Variants in PIK3C2A observed in about 807,000 individuals in gnomAD.
PIK3C2A encodes phosphatidylinositol 4-phosphate 3-kinase C2 domain-containing subunit alpha.
PIK3C2A carries 97 observed loss-of-function variants against 204.5 expected under a neutral mutation model. That is an observed-to-expected ratio of 0.47 (90% CI 0.40 to 0.56). PIK3C2A has a LOEUF of 0.56. Ranked by LOEUF, PIK3C2A falls within the 20% of genes least tolerant of loss-of-function variation. The pLI, the probability that PIK3C2A is intolerant of heterozygous loss-of-function variation, is 0.00. For missense variants in PIK3C2A, 1,735 were observed against 1,969.2 expected, an observed-to-expected ratio of 0.88 and a Z score of 2.25; for synonymous variants, 653 against 664.4, an observed-to-expected ratio of 0.98 and a Z score of 0.26.
At chr11:17,140,352 C>G (rs1194585472) in intron 8 of PIK3C2A, among the ~76,000 whole-genome samples, 1 of 152,130 alleles carries the variant, frequency 6.6e-6, no homozygotes, top group African/African-American at 2.4e-5. Flanking sequence ...TCCATGGGCT[C>G]ATACATAAAT....
chr11:17,097,235 G>T lies in PIK3C2A; in HGVS notation c.4148C>A (p.Ala1383Asp). 1 of 1,613,218 alleles carries T rather than the reference G, an allele frequency of 6.2e-7. No homozygotes were observed. Among genetic ancestry groups the T allele is most frequent in the South Asian group, 1.1e-5 (1 of 91,004 alleles). The change falls in exon 27 of 33, where the codon GCC (alanine) becomes GAC (aspartate). Residue 1383 changes from alanine to aspartate, a missense_variant. Ala to Asp is a moderately radical substitution (Grantham distance 126). This residue lies in a region of PIK3C2A where 503 missense variants were observed against 669.0 expected (regional missense o/e 0.75). Coordinates refer to ENST00000691414, the MANE Select transcript of PIK3C2A (RefSeq NM_002645.4). ...GTGAATGAAGAAGTTAAACTTTGTG[G>T]CAATGCTTCCCAAACTTGATTCAAT... Reference protein sequence around the residue: ...RLIESSLGSIATKFNFFIHNL... With the variant: ...RLIESSLGSIDTKFNFFIHNL...
At chr11:17,135,917 A>G (rs1457860098) in intron 9 of PIK3C2A, among the ~76,000 whole-genome samples, 1 of 152,018 alleles carries the variant, frequency 6.6e-6, no homozygotes, top group Non-Finnish European at 1.5e-5. Context: ...TATCCTTGCA[A>G]TTAAAGATAT....
chr11:17,112,691 T>C (rs757707938), intron 20 of PIK3C2A, 25 bp from the exon 21 acceptor site: 20 of 1,223,502 alleles, frequency 1.6e-5, no homozygotes, highest in Non-Finnish European at 2.3e-5. Context: ...TGTTAAGCAT[T>C]AGAAAGATAA....
intron 8 of PIK3C2A, among the ~76,000 whole-genome samples, chr11:17,142,720 C>A (rs918664641): frequency 6.6e-6 from 1 of 152,014 alleles, no homozygotes; most frequent in African/African-American, 2.4e-5. Flanking sequence ...ACCCTGTCAT[C>A]CATCCATCCA....
In PIK3C2A at chr11:17,205,366, C is replaced by T. The variant is rs562734475; in HGVS notation, c.-66+2482G>A. On this transcript the variant is annotated intron_variant, in intron 1 of 32. Transcript: ENST00000691414. Reference sequence around the variant, plus strand: ...GCACACGCCTGTAGTCCCAGCTCCTCGGGAGGCTGAGGCAGGAGAGTCACT... The same window carrying T: ...GCACACGCCTGTAGTCCCAGCTCCTTGGGAGGCTGAGGCAGGAGAGTCACT... Among the ~76,000 whole-genome samples the T allele has an allele frequency of 6.4e-4, 93 of 144,508 alleles. 1 individual carries two copies. In the South Asian group the frequency reaches 0.018, roughly 27 times the overall value. 94.8% of individuals were successfully genotyped at this position (144,508 alleles called of 152,430 possible). A position where few individuals can be genotyped will look rare whatever the true frequency, so the allele number is the denominator to read the frequency against.
Position 17,097,096 on chromosome 11 carries a change from A to C in PIK3C2A, c.4287T>G (p.Val1429=), listed in dbSNP as rs1339698510. ...GGTTGTATTTCTTATGATATGTAAA[A>C]ACAGAGACTTCCTTGATTCGACCAT... is the stretch of plus-strand genomic sequence containing the variant. The part of the protein sequence containing the change: ...RQDGRIKEVS[V]FTYHKKYNPD... Residue 1429 remains valine (V), a synonymous_variant, in exon 27 of 33, where the codon GTT becomes GTG. Coordinates refer to ENST00000691414, the MANE Select transcript of PIK3C2A (RefSeq NM_002645.4). 2.5e-6 allele frequency: 4 copies of C among 1,605,502 alleles called. No homozygotes were observed. Among genetic ancestry groups the C allele is most frequent in the Non-Finnish European group, 3.4e-6 (4 of 1,172,224 alleles).
At chr11:17,092,382 T>C in intron 28 of PIK3C2A, 106 bp from the exon 29 acceptor site, 1 of 682,170 alleles carries the variant, frequency 1.5e-6, no homozygotes, top group South Asian at 1.8e-5. Flanking sequence ...TAATCCATTA[T>C]AAAGTAATAT....
intron 1 of PIK3C2A, among the ~76,000 whole-genome samples, chr11:17,192,309 C>T (rs1851974052): frequency 6.6e-6 from 1 of 152,108 alleles, no homozygotes; most frequent in Non-Finnish European, 1.5e-5. Flanking sequence ...TAAATCAGAA[C>T]AGGAGACTTA....
rs374584100 is a variant in PIK3C2A, at chr11:17,200,995, CAGG to C, written c.-66+6850_-66+6852del. On this transcript the variant is annotated intron_variant, in intron 1 of 32. Transcript: ENST00000691414. ...CAGATGTGGGCGGATCACTTCAGGT[CAGG>C]AGTTCAAGACCAGCCTGGCCAACAT... Among the ~76,000 whole-genome samples the C allele has an allele frequency of 5.5e-3, 827 of 151,734 alleles. 17 individuals carry two copies. Among genetic ancestry groups the C allele is most frequent in the East Asian group, 0.017 (88 of 5,118 alleles).
chr11:17,123,614 T>C (rs949979711), intron 13 of PIK3C2A, among the ~76,000 whole-genome samples: 27 of 152,040 alleles, frequency 1.8e-4, no homozygotes, highest in African/African-American at 6.5e-4. Flanking sequence ...ACTTTTTCTA[T>C]AAAGAGCCAG....
intron 1 of PIK3C2A, among the ~76,000 whole-genome samples, chr11:17,184,734 G>C (rs1224626064): frequency 6.6e-6 from 1 of 152,064 alleles, no homozygotes; most frequent in East Asian, 1.9e-4. Flanking sequence ...AGGAGCTTGA[G>C]ACCAGCCTGG....
chr11:17,182,836 TA>T (rs1163611110), intron 1 of PIK3C2A, among the ~76,000 whole-genome samples: 7 of 152,146 alleles, frequency 4.6e-5, no homozygotes, highest in Non-Finnish European at 1.0e-4. Context: ...ACTGCATTTT[TA>T]TTTATTTATT....
chr11:17,142,362 G>A (rs1168831163), intron 8 of PIK3C2A, among the ~76,000 whole-genome samples: 2 of 152,162 alleles, frequency 1.3e-5, no homozygotes, highest in African/African-American at 4.8e-5. Context: ...ATATGCTAAT[G>A]TTTGGTAGTC....
intron 13 of PIK3C2A, among the ~76,000 whole-genome samples, chr11:17,128,988 C>T (rs943746750): frequency 3.3e-5 from 5 of 152,166 alleles, no homozygotes; most frequent in African/African-American, 4.8e-5. Flanking sequence ...AGGGAACTTA[C>T]AAGACTGTGG....
chr11:17,135,711 GTGTGTGTA>G (rs1415559605), intron 9 of PIK3C2A, among the ~76,000 whole-genome samples: 2 of 102,196 alleles, frequency 2.0e-5, no homozygotes, highest in Admixed American at 1.0e-4. Flanking sequence ...GTGTGTGTGT[GTGTGTGTA>G]TAAGTTTCTA....
At chr11:17,204,379 A>C (rs879600394) in intron 1 of PIK3C2A, 22 of 152,242 alleles carry the variant, frequency 1.4e-4, no homozygotes, top group African/African-American at 4.1e-4. Context: ...TCGAATCCTG[A>C]ATAAGGAAAA....
rs371947674 is a variant in PIK3C2A, at chr11:17,178,113, G to GA, written c.-65-8308dup. On this transcript the variant is annotated intron_variant, in intron 1 of 32. Coordinates refer to ENST00000691414, the MANE Select transcript of PIK3C2A (RefSeq NM_002645.4). ...ATCTCAAAAAAAAAAAAAAAAAAAA[G>GA]AAAAAAAAAATTGCATGTCACATAT... is the stretch of plus-strand genomic sequence containing the variant. Among the ~76,000 whole-genome samples, 1,046 of 119,894 alleles carry GA rather than the reference G, an allele frequency of 8.7e-3. 17 individuals are homozygous for GA. The highest frequency in any genetic ancestry group is 0.033 in the African/African-American group (993 of 30,160). 78.7% of individuals were successfully genotyped at this position (119,894 alleles called of 152,430 possible).
intron 27 of PIK3C2A, among the ~76,000 whole-genome samples, chr11:17,095,861 G>A (rs1308316394): frequency 6.6e-6 from 1 of 151,276 alleles, no homozygotes; most frequent in Non-Finnish European, 1.5e-5. Flanking sequence ...CAGGTTTCAG[G>A]AGACGAGATT....
At chr11:17,166,717 A>G (rs1213662267) in intron 2 of PIK3C2A, among the ~76,000 whole-genome samples, 2 of 152,206 alleles carry the variant, frequency 1.3e-5, no homozygotes, top group Non-Finnish European at 2.9e-5. Context: ...CAGAGCCCCA[A>G]TGTCTGTCTC....
Sources: allele counts gnomAD v4.1 joint callset (sites outside exome capture counted in the v4.1 genomes callset), GRCh38; gene constraint gnomAD v4.1.1; regional missense constraint gnomAD v4.1.1; transcripts MANE v1.5; gene names NCBI Gene and HGNC (gene_info 2026-07-23, HGNC 2026-07-21).